ATP2B1: variants seen among roughly 807,000 people sequenced by gnomAD.
ATP2B1 encodes the protein ATPase plasma membrane Ca2+ transporting 1.
In ATP2B1, 14 loss-of-function variants were observed where a neutral mutation model predicts 124.2. The ratio of observed to expected loss-of-function variants is 0.11; its 90% CI spans 0.07 to 0.18. The LOEUF is 0.18. ATP2B1 is among the 10% of genes least tolerant of loss of function. The pLI is 1.00. For synonymous variants in ATP2B1, 449 were observed against 492.4 expected (o/e 0.91, Z 1.17); for missense variants, 763 against 1,466.1 (o/e 0.52, Z 7.83).
At chr12:89,647,951 A>G (rs1047087195) in intron 2 of ATP2B1, among the ~76,000 whole-genome samples, 1 of 152,144 alleles carries the variant, frequency 6.6e-6, no homozygotes, top group African/African-American at 2.4e-5. Flanking sequence ...GCCATGAGTA[A>G]AAGCACTCTG....
At chr12:89,690,009 T>C (rs754938384) in intron 1 of ATP2B1, among the ~76,000 whole-genome samples, 2 of 152,068 alleles carry the variant, frequency 1.3e-5, no homozygotes, top group South Asian at 2.1e-4. Flanking sequence ...AGTTTAGGCA[T>C]AAAATGTGCA....
intron 6 of ATP2B1, among the ~76,000 whole-genome samples, chr12:89,628,327 G>T (rs540024117): frequency 7.0e-6 from 1 of 143,714 alleles, no homozygotes; most frequent in African/African-American, 2.6e-5. Flanking sequence ...GCTTGAACCC[G>T]GAAGGCGGAG....
upstream of ATP2B1, chr12:89,709,201 G>A (rs1206390716): frequency 2.6e-5 from 4 of 151,368 alleles, no homozygotes; most frequent in African/African-American, 4.8e-5. Flanking sequence ...GGGTAGGCAG[G>A]GGGAGGAGAA....
intron 1 of ATP2B1, among the ~76,000 whole-genome samples, chr12:89,656,666 G>A (rs914490085): frequency 6.6e-6 from 1 of 152,112 alleles, no homozygotes; most frequent in Non-Finnish European, 1.5e-5. Flanking sequence ...ATTATTTCCT[G>A]TAATTCTCAT....
At position 89,591,146 on chromosome 12, in the gene ATP2B1, G is replaced by A. The variant is rs771742877; in HGVS notation, c.3501C>T (p.Ala1167=). Residue 1167 remains alanine (A), a synonymous_variant, in exon 21 of 21, where the codon GCC becomes GCT. Coordinates refer to ENST00000428670, the MANE Select transcript of ATP2B1 (RefSeq NM_001366521.1). Reference sequence around the variant, plus strand: ...TACGTTTTGTAGGAGCATCATCTTCGGCATCAGTGTCATCAATAAGGGGGA... The same window carrying A: ...TACGTTTTGTAGGAGCATCATCTTCAGCATCAGTGTCATCAATAAGGGGGA... The part of the protein sequence containing the change: ...PHIPLIDDTD[A]EDDAPTKRNS... 11 of 1,613,188 alleles carry A rather than the reference G, an allele frequency of 6.8e-6. No homozygotes were observed. The highest frequency in any genetic ancestry group is 8.5e-6 in the Non-Finnish European group (10 of 1,179,406).
chr12:89,591,382 G>C, intron 20 of ATP2B1, 87 bp from the exon 21 acceptor site: 2 of 1,168,290 alleles, frequency 1.7e-6, no homozygotes, highest in Middle Eastern at 5.9e-4. Context: ...TCCACAAACA[G>C]CTAGGTATGA....
At chr12:89,594,469 C>T (rs999403561) in intron 20 of ATP2B1, 3 of 151,502 alleles carry the variant, frequency 2.0e-5, no homozygotes, top group Non-Finnish European at 4.4e-5. Context: ...AATTCAATTC[C>T]TATTTATTAA....
At chr12:89,659,134 T>C (rs778483625) in intron 1 of ATP2B1, among the ~76,000 whole-genome samples, 5 of 152,232 alleles carry the variant, frequency 3.3e-5, no homozygotes, top group Non-Finnish European at 7.3e-5. Context: ...TTGGGACTGA[T>C]ATACAACAGA....
chr12:89,686,847 A>G (rs1890024398), intron 1 of ATP2B1, among the ~76,000 whole-genome samples: 1 of 152,142 alleles, frequency 6.6e-6, no homozygotes, highest in South Asian at 2.1e-4. Context: ...ATACACATTA[A>G]GAGAAAACTG....
intron 15 of ATP2B1, among the ~76,000 whole-genome samples, chr12:89,605,919 T>C (rs1051477056): frequency 6.6e-6 from 1 of 152,116 alleles, no homozygotes; most frequent in East Asian, 1.9e-4. Flanking sequence ...AACAGAGAAT[T>C]TGGGGATGAA....
At chr12:89,653,833 G>A (rs776015840) in intron 2 of ATP2B1, among the ~76,000 whole-genome samples, 22 of 152,296 alleles carry the variant, frequency 1.4e-4, no homozygotes, top group South Asian at 8.3e-4. Flanking sequence ...CTATAAAAAT[G>A]AGAAGCCATT....
At chr12:89,602,272 AAAAT>A (rs1032608301) in intron 18 of ATP2B1, among the ~76,000 whole-genome samples, 1 of 152,208 alleles carries the variant, frequency 6.6e-6, no homozygotes, top group Non-Finnish European at 1.5e-5. Flanking sequence ...TCTTAATTAA[AAAAT>A]AAATAATTTT....
chr12:89,696,255 C>T (rs766060569), intron 1 of ATP2B1, among the ~76,000 whole-genome samples: 1 of 152,152 alleles, frequency 6.6e-6, no homozygotes, highest in African/African-American at 2.4e-5. Context: ...CAAAATCTGA[C>T]CAGCCTCAGA....
intron 1 of ATP2B1, among the ~76,000 whole-genome samples, chr12:89,676,721 T>C (rs1888654113): frequency 6.6e-6 from 1 of 152,130 alleles, no homozygotes; most frequent in Non-Finnish European, 1.5e-5. Flanking sequence ...TAACTGAGTA[T>C]AAAAATTGCA....
intron 20 of ATP2B1, among the ~76,000 whole-genome samples, chr12:89,591,961 A>G (rs914837188): frequency 8.5e-4 from 130 of 152,192 alleles, no homozygotes; most frequent in African/African-American, 3.1e-3. Flanking sequence ...ATTAAAACTT[A>G]AATCAATTAC....
chr12:89,651,571 G>GT (rs2136320490), intron 2 of ATP2B1, among the ~76,000 whole-genome samples: 1 of 152,212 alleles, frequency 6.6e-6, no homozygotes, highest in Admixed American at 6.5e-5. Flanking sequence ...CCTGGCCAGG[G>GT]TATGTTTTTT....
chr12:89,597,831 A>G (rs1470245616), intron 20 of ATP2B1, among the ~76,000 whole-genome samples: 2 of 152,058 alleles, frequency 1.3e-5, no homozygotes, highest in East Asian at 3.8e-4. Flanking sequence ...CAATTATTGA[A>G]AATTACAACA....
intron 10 of ATP2B1, 82 bp downstream of exon 10, chr12:89,621,466 TA>T: frequency 8.9e-7 from 1 of 1,120,004 alleles, no homozygotes. Flanking sequence ...TTACATACAG[TA>T]ATGGTGGTCT....
At chr12:89,625,142 GC>G (rs890019935) in intron 8 of ATP2B1, among the ~76,000 whole-genome samples, 159 of 152,162 alleles carry the variant, frequency 1.0e-3, no homozygotes, top group African/African-American at 3.7e-3. Flanking sequence ...GGTGGTGCGT[GC>G]CTGTAATACC....
Sources: allele counts gnomAD v4.1 joint callset (sites outside exome capture counted in the v4.1 genomes callset), GRCh38; gene constraint gnomAD v4.1.1; transcripts MANE v1.5; gene names NCBI Gene and HGNC (gene_info 2026-07-23, HGNC 2026-07-21).